Variants in FCRL3 observed in about 807,000 individuals in gnomAD.
The protein encoded by FCRL3 is Fc receptor like 3, also known as Fc receptor-like protein 3.
Under a neutral mutation model 75.0 loss-of-function variants are expected in FCRL3, and 89 were observed. The observed-to-expected ratio is 1.19, with a 90% confidence interval of 1.00 to 1.42. FCRL3 has a LOEUF of 1.42. FCRL3 is among the 40% of genes most tolerant of loss of function. The pLI, the probability that FCRL3 is intolerant of heterozygous loss-of-function variation, is 0.00. For synonymous variants in FCRL3, 376 were observed against 348.5 expected, an observed-to-expected ratio of 1.08 and a Z score of -0.88; for missense variants, 946 against 880.0, an observed-to-expected ratio of 1.07 and a Z score of -0.95.
rs765500460 is a variant in FCRL3, at chr1:157,689,883, C to A, written c.1725G>T (p.Ala575=). Reference sequence around the variant, plus strand: ...TGCTGAGCACCAGCCCCGTGATTCCCGCAGCGGTAAGGCCTGTTCTGTTCC... The same window carrying A: ...TGCTGAGCACCAGCCCCGTGATTCCAGCAGCGGTAAGGCCTGTTCTGTTCC... ...TSRNRTGLTA[A]GITGLVLSIL... Residue 575 remains alanine, a synonymous_variant, in exon 10 of 15, where the codon GCG becomes GCT. Transcript: ENST00000368184. The A allele has an allele frequency of 9.9e-6, 16 of 1,614,050 alleles. No homozygotes were observed. The highest frequency in any genetic ancestry group is 1.2e-5 in the Non-Finnish European group (14 of 1,180,036).
chr1:157,699,541 G>T (rs1285540854), intron 3 of FCRL3, 151 bp downstream of exon 3: 3 of 654,226 alleles, frequency 4.6e-6, no homozygotes, highest in African/African-American at 1.9e-5. Flanking sequence ...AAAGTCGGAG[G>T]AGGCTCTGTT....
intron 10 of FCRL3, among the ~76,000 whole-genome samples, chr1:157,683,819 C>T (rs1024707116): frequency 3.9e-5 from 6 of 152,212 alleles, no homozygotes; most frequent in South Asian, 2.1e-4. Flanking sequence ...TGGCTAGCTC[C>T]GATTTATCTT....
At chr1:157,686,209 T>G (rs1366665410) in intron 10 of FCRL3, among the ~76,000 whole-genome samples, 1 of 149,820 alleles carries the variant, frequency 6.7e-6, no homozygotes, top group Non-Finnish European at 1.5e-5. Context: ...ACAAAGAAAA[T>G]GAAATACCTA....
Position 157,677,899 on chromosome 1 carries a change from G to A in FCRL3, c.*811C>T, listed in dbSNP as rs1255083597. ...TATCAGATGGAGTGAGGTAGAGGAA[G>A]AGAATGGGAGAAGCCACATAGATAT... On this transcript the variant is annotated 3_prime_UTR_variant, in exon 15 of 15. Coordinates refer to ENST00000368184, the MANE Select transcript of FCRL3 (RefSeq NM_052939.4). 3 of 939,374 alleles carry A rather than the reference G, an allele frequency of 3.2e-6. No individual in the cohort carries two copies. The highest frequency in any genetic ancestry group is 3.8e-6 in the Non-Finnish European group (3 of 788,496). The allele number at this position is 939,374 out of a possible 1,614,324, so 58.2% of individuals were successfully genotyped here.
Position 157,676,903 on chromosome 1 carries a change from C to G in FCRL3, c.*1807G>C. ...AAGGAGGAGAGCCTCCATATACAGC[C>G]TGGTGGTTGGTACCCAAAACCGGTT... On this transcript the variant is annotated 3_prime_UTR_variant, in exon 15 of 15. Transcript: ENST00000368184. 6.9e-7 allele frequency: 1 copy of G among 1,456,334 alleles called. No individual in the cohort carries two copies. Among genetic ancestry groups the G allele is most frequent in the East Asian group, 2.5e-5 (1 of 39,968 alleles). 90.2% of individuals were successfully genotyped at this position (1,456,334 alleles called of 1,614,324 possible).
chr1:157,680,808 G>T, intron 12 of FCRL3, 38 bp from the exon 13 acceptor site: 1 of 1,580,168 alleles, frequency 6.3e-7, no homozygotes, highest in Non-Finnish European at 8.7e-7. Flanking sequence ...GCAGTCAAGA[G>T]CTCATATTCT....
Position 157,690,548 on chromosome 1 carries a change from A to G in FCRL3, c.1412-15T>C. 1 of 1,612,360 alleles carries G rather than the reference A, an allele frequency of 6.2e-7. No homozygotes were observed. The highest frequency in any genetic ancestry group is 8.5e-7 in the Non-Finnish European group (1 of 1,179,102). Reference sequence around the variant, plus strand: ...AGACACCGGAACTGAGGGAGGAAAAATAGTTCACTGGCAGTTTTACTTAAG... The same window carrying G: ...AGACACCGGAACTGAGGGAGGAAAAGTAGTTCACTGGCAGTTTTACTTAAG... On this transcript the variant is annotated splice_polypyrimidine_tract_variant and intron_variant, in intron 8 of 14. Coordinates refer to ENST00000368184, the MANE Select transcript of FCRL3 (RefSeq NM_052939.4).
In FCRL3 at chr1:157,690,430, C is replaced by G. The variant is rs138291587; in HGVS notation, c.1515G>C (p.Pro505=). The change falls in exon 9 of 15, where the codon CCG becomes CCC. Residue 505 remains proline, a synonymous_variant. Coordinates refer to ENST00000368184, the MANE Select transcript of FCRL3 (RefSeq NM_052939.4). ...LHCESLRGSF[P]ILYWFYHEDD... ...CCTCGTGATAAAACCAGTACAGGAT[C>G]GGGAAGGAGCCTCTCAGGGACTCAC... 7 of 1,614,100 alleles carry G rather than the reference C, an allele frequency of 4.3e-6. No individual in the cohort carries two copies. Among genetic ancestry groups the G allele is most frequent in the Admixed American group, 1.7e-5 (1 of 60,008 alleles).
rs930572912 is a variant in FCRL3, at chr1:157,677,941, G to C, written c.*769C>G. 1.0e-6 allele frequency: 1 copy of C among 984,272 alleles called. No homozygotes were observed. The allele number at this position is 984,272 out of a possible 1,614,324, so 61.0% of individuals were successfully genotyped here. A position where few individuals can be genotyped will look rare whatever the true frequency, so the allele number is the denominator to read the frequency against. On this transcript the variant is annotated 3_prime_UTR_variant, in exon 15 of 15. Transcript: ENST00000368184. ...CATAGATATAGTAGGTTATTGTCTCGGGGTTAATGGGTGCTTATAAGAATA... is the reference window on the plus strand; with the variant it reads ...CATAGATATAGTAGGTTATTGTCTCCGGGTTAATGGGTGCTTATAAGAATA...
At chr1:157,693,694 T>TCCTTCCTTCCTTCCTC (rs1255031061) in intron 8 of FCRL3, among the ~76,000 whole-genome samples, 1 of 151,682 alleles carries the variant, frequency 6.6e-6, no homozygotes, top group Admixed American at 6.6e-5. Context: ...TCTCCTTCCT[T>TCCTTCCTTCCTTCCTC]CCTTCCTTCC....
intron 3 of FCRL3, among the ~76,000 whole-genome samples, chr1:157,698,916 C>T (rs975998389): frequency 2.6e-5 from 4 of 152,140 alleles, no homozygotes; most frequent in Admixed American, 6.5e-5. Context: ...GCAAAAACTG[C>T]GAAGGCCTCA....
intron 10 of FCRL3, among the ~76,000 whole-genome samples, chr1:157,683,896 A>G (rs1655006080): frequency 6.6e-6 from 1 of 152,228 alleles, no homozygotes; most frequent in African/African-American, 2.4e-5. Flanking sequence ...ACATAAGACC[A>G]TGTAATATTA....
Position 157,678,171 on chromosome 1 carries a change from A to G in FCRL3, c.*539T>C, listed in dbSNP as rs1211523997. Reference sequence around the variant, plus strand: ...AATTTGGTTGGGAATGTCACCCTGTAAGTACAAAAATACACTTCAGATAGA... The same window carrying G: ...AATTTGGTTGGGAATGTCACCCTGTGAGTACAAAAATACACTTCAGATAGA... On this transcript the variant is annotated 3_prime_UTR_variant, in exon 15 of 15. Coordinates refer to ENST00000368184, the MANE Select transcript of FCRL3 (RefSeq NM_052939.4). 1.0e-6 allele frequency: 1 copy of G among 986,170 alleles called. No homozygotes were observed. The highest frequency in any genetic ancestry group is 1.1e-4 in the East Asian group (1 of 8,838). 61.1% of individuals were successfully genotyped at this position (986,170 alleles called of 1,614,324 possible).
intron 8 of FCRL3, 113 bp from the exon 9 acceptor site, chr1:157,690,646 G>C (rs1319664461): frequency 2.2e-6 from 3 of 1,333,522 alleles, no homozygotes; most frequent in Non-Finnish European, 3.1e-6. Flanking sequence ...CTGGATTCTG[G>C]AGAACCTGGG....
At chr1:157,695,661 A>T (rs762032231) in intron 7 of FCRL3, 54 bp from the exon 8 acceptor site, 289 of 1,538,322 alleles carry the variant, frequency 1.9e-4, no homozygotes, top group Non-Finnish European at 2.4e-4. Context: ...CAGATGCACA[A>T]CCTCTCTCAA....
At chr1:157,694,667 G>A (rs562253836) in intron 8 of FCRL3, among the ~76,000 whole-genome samples, 1 of 152,124 alleles carries the variant, frequency 6.6e-6, no homozygotes, top group Admixed American at 6.5e-5. Flanking sequence ...GTTCTTAGGG[G>A]CTGGACATGG....
chr1:157,700,395 T>C, intron 2 of FCRL3, 64 bp downstream of exon 2: 1 of 1,611,906 alleles, frequency 6.2e-7, no homozygotes, highest in Non-Finnish European at 8.5e-7. Flanking sequence ...AGAAGCTCCT[T>C]GAGTTTTTCC....
At chr1:157,689,028 T>C (rs909545961) in intron 10 of FCRL3, among the ~76,000 whole-genome samples, 2 of 152,148 alleles carry the variant, frequency 1.3e-5, no homozygotes, top group Non-Finnish European at 2.9e-5. Flanking sequence ...ATAAACAGCA[T>C]TGAAAAAAAC....
At chr1:157,699,779 C>G in intron 2 of FCRL3, 67 bp from the exon 3 acceptor site, 3 of 1,555,866 alleles carry the variant, frequency 1.9e-6, no homozygotes, top group Non-Finnish European at 2.6e-6. Flanking sequence ...TAACCACAAC[C>G]ACTTCTTTTG....
Sources: allele counts gnomAD v4.1 joint callset (sites outside exome capture counted in the v4.1 genomes callset), GRCh38; gene constraint gnomAD v4.1.1; transcripts MANE v1.5; gene names NCBI Gene and HGNC (gene_info 2026-07-23, HGNC 2026-07-21).